The following MAF variants were observed in gnomAD, a reference collection of about 807,000 sequenced individuals.
MAF encodes MAF bZIP transcription factor, also known as transcription factor Maf.
MAF carries 10 observed loss-of-function variants against 22.0 expected under a neutral mutation model. That is an observed-to-expected ratio of 0.45 (90% confidence interval 0.28 to 0.77). The LOEUF (loss-of-function observed/expected upper bound fraction) is 0.77. Among genes scored for constraint, MAF ranks in the 30% least tolerant of loss-of-function variants. MAF has a pLI of 0.12. For missense variants in MAF, 544 were observed against 548.4 expected (o/e 0.99, Z 0.08); for synonymous variants, 337 against 255.8 (o/e 1.32, Z -3.03).
At chr16:79,380,234 T>C in the MAF span, among the ~76,000 whole-genome samples, 1 of 152,252 alleles carries the variant, frequency 6.6e-6, no homozygotes, top group African/African-American at 2.4e-5. Flanking sequence ...TTCTAAGTGA[T>C]GTATATTCAT....
the MAF span, among the ~76,000 whole-genome samples, chr16:79,310,387 G>C: frequency 8.5e-3 from 1,294 of 152,256 alleles, 11 homozygotes; most frequent in Non-Finnish European, 0.015. Flanking sequence ...GAGAGTAAGA[G>C]AGAGAGAGAC....
At chr16:79,319,401 A>G in the MAF span, among the ~76,000 whole-genome samples, 7 of 152,324 alleles carry the variant, frequency 4.6e-5, no homozygotes, top group South Asian at 1.2e-3. Flanking sequence ...AAATGTACAT[A>G]TAGTGCTTCT....
At chr16:79,363,837 C>G in the MAF span, among the ~76,000 whole-genome samples, 2 of 152,094 alleles carry the variant, frequency 1.3e-5, no homozygotes, top group African/African-American at 2.4e-5. Flanking sequence ...AGAGAAGGAA[C>G]AAATATCTGG....
chr16:79,308,842 T>A, the MAF span, among the ~76,000 whole-genome samples: 1 of 152,132 alleles, frequency 6.6e-6, no homozygotes, highest in Non-Finnish European at 1.5e-5. Flanking sequence ...GTCCTCTCCA[T>A]GGTCCACGCT....
chr16:79,412,593 A>C, the MAF span, among the ~76,000 whole-genome samples: 1 of 152,006 alleles, frequency 6.6e-6, no homozygotes, highest in African/African-American at 2.4e-5. Flanking sequence ...TGGCCACAGC[A>C]CCTCCCTCTC....
At chr16:79,230,286 A>G in the MAF span, among the ~76,000 whole-genome samples, 2 of 152,120 alleles carry the variant, frequency 1.3e-5, no homozygotes, top group Non-Finnish European at 2.9e-5. Context: ...CGGCTAAGGC[A>G]GGCTGCTTCT....
chr16:79,502,902 A>G, the MAF span, among the ~76,000 whole-genome samples: 108 of 151,314 alleles, frequency 7.1e-4, no homozygotes, highest in Non-Finnish European at 1.1e-3. Flanking sequence ...CACTCATCAA[A>G]TTCATCAAAC....
chr16:79,518,177 T>G, the MAF span, among the ~76,000 whole-genome samples: 3 of 152,200 alleles, frequency 2.0e-5, no homozygotes, highest in Admixed American at 2.0e-4. Context: ...TTTGAGAGGA[T>G]AAATCATTTG....
chr16:79,409,767 C>G, the MAF span, among the ~76,000 whole-genome samples: 21 of 152,198 alleles, frequency 1.4e-4, no homozygotes, highest in Admixed American at 1.4e-3. Context: ...GCCATCCCTA[C>G]TCTACAGAGG....
chr16:79,304,080 G>A, the MAF span, among the ~76,000 whole-genome samples: 1 of 152,204 alleles, frequency 6.6e-6, no homozygotes. Flanking sequence ...TGGGACCCAA[G>A]ATGCAATAAC....
At chr16:79,440,997 C>T in the MAF span, among the ~76,000 whole-genome samples, 1 of 152,168 alleles carries the variant, frequency 6.6e-6, no homozygotes, top group Non-Finnish European at 1.5e-5. Context: ...TCGTAATGTC[C>T]TATCACCCTC....
the MAF span, among the ~76,000 whole-genome samples, chr16:79,493,798 C>T: frequency 6.6e-6 from 1 of 152,072 alleles, no homozygotes; most frequent in Non-Finnish European, 1.5e-5. Flanking sequence ...ATCAATACTT[C>T]CTGAGAAAAC....
At chr16:79,365,043 T>C in the MAF span, among the ~76,000 whole-genome samples, 9 of 152,296 alleles carry the variant, frequency 5.9e-5, no homozygotes, top group East Asian at 1.7e-3. Flanking sequence ...AGTCCCTAGT[T>C]AGAACTTAGT....
the MAF span, among the ~76,000 whole-genome samples, chr16:79,493,260 A>G: frequency 4.0e-5 from 6 of 151,686 alleles, no homozygotes; most frequent in East Asian, 1.2e-3. Context: ...TCGACTCACT[A>G]CAACCTTTGC....
the MAF span, among the ~76,000 whole-genome samples, chr16:79,468,682 A>G: frequency 6.6e-6 from 1 of 152,196 alleles, no homozygotes; most frequent in African/African-American, 2.4e-5. Context: ...TGGTGCAGAC[A>G]GTGGTAACGT....
the MAF span, among the ~76,000 whole-genome samples, chr16:79,221,182 G>A: frequency 2.4e-4 from 36 of 152,314 alleles, no homozygotes; most frequent in African/African-American, 7.9e-4. Context: ...TGCTAAGACA[G>A]AGCTTGCCCT....
At chr16:79,319,189 G>A in the MAF span, among the ~76,000 whole-genome samples, 1 of 152,086 alleles carries the variant, frequency 6.6e-6, no homozygotes, top group Non-Finnish European at 1.5e-5. Flanking sequence ...TGGGGAGGTG[G>A]GGGGAGGTCC....
At chr16:79,479,345 C>T in the MAF span, among the ~76,000 whole-genome samples, 605 of 152,320 alleles carry the variant, frequency 4.0e-3, 3 homozygotes, top group African/African-American at 0.013. Flanking sequence ...CCCATGTAGG[C>T]GCCATAAAAT....
At chr16:79,550,479 T>C in the MAF span, among the ~76,000 whole-genome samples, 1 of 152,106 alleles carries the variant, frequency 6.6e-6, no homozygotes. Flanking sequence ...CAGTAAAACC[T>C]GCGAAACCTC....
Sources: gnomAD v4.1 joint callset for allele counts (sites outside exome capture counted in the v4.1 genomes callset) on GRCh38, gnomAD v4.1.1 for gene constraint, MANE v1.5 for transcripts, NCBI Gene and HGNC (gene_info 2026-07-23, HGNC 2026-07-21) for gene names.